SETDB1: variants seen among roughly 807,000 people sequenced by gnomAD.
SETDB1 encodes SET domain bifurcated histone lysine methyltransferase 1, also known as histone-lysine N-methyltransferase SETDB1.
Under a neutral mutation model 137.4 loss-of-function variants are expected in SETDB1, and 31 were observed. That is an observed-to-expected ratio of 0.23 (90% CI 0.17 to 0.30). The LOEUF (loss-of-function observed/expected upper bound fraction) is 0.30, where lower values mean the gene tolerates loss of function less well. SETDB1 is among the 10% of genes least tolerant of loss of function. The pLI is 1.00. For missense variants in SETDB1, 1,113 were observed against 1,631.5 expected (o/e 0.68, Z 5.47); for synonymous variants, 548 against 579.9 (o/e 0.95, Z 0.79).
chr1:150,949,163 G>T lies in SETDB1; in HGVS notation c.1309G>T (p.Asp437Tyr), dbSNP rs1396342956. 18 of 1,614,052 alleles carry T rather than the reference G, an allele frequency of 1.1e-5. No homozygotes were observed. Among genetic ancestry groups the T allele is most frequent in the Non-Finnish European group, 1.5e-5 (18 of 1,180,010 alleles). ...AGGCCCTGTTGTCCAGTACACACAG[G>T]ATCTGACCGGTACTGGAACCCAGTT... is the stretch of plus-strand genomic sequence containing the variant. ...SKGPVVQYTQ[D>Y]LTGTGTQFKP... The change falls in exon 11 of 22, where the codon GAT becomes TAT. Residue 437 changes from aspartate (D) to tyrosine (Y), a missense_variant. Around this residue, in one of 11 missense-constraint regions of SETDB1, gnomAD observed 192 missense variants for 198.1 expected, o/e 0.97. Transcript: ENST00000692827.
intron 14 of SETDB1, among the ~76,000 whole-genome samples, chr1:150,951,978 T>A (rs1208268238): frequency 6.6e-6 from 1 of 151,738 alleles, no homozygotes; most frequent in Non-Finnish European, 1.5e-5. Flanking sequence ...TGAAACCCTG[T>A]CTCTACTAAA....
At chr1:150,945,504 T>G (rs1670295836) in intron 9 of SETDB1, among the ~76,000 whole-genome samples, 1 of 152,200 alleles carries the variant, frequency 6.6e-6, no homozygotes, top group African/African-American at 2.4e-5. Context: ...AGGTATTTTG[T>G]ACTCATCCTT....
intron 21 of SETDB1, 22 bp from the exon 22 acceptor site, chr1:150,964,225 C>T: frequency 6.2e-7 from 1 of 1,601,302 alleles, no homozygotes; most frequent in Non-Finnish European, 8.6e-7. Context: ...TTGCCACACA[C>T]CATCCTTTTC....
intron 3 of SETDB1, among the ~76,000 whole-genome samples, chr1:150,937,493 T>G (rs772001440): frequency 2.4e-4 from 37 of 152,130 alleles, no homozygotes; most frequent in Non-Finnish European, 4.9e-4. Flanking sequence ...TGGGTTTTGC[T>G]TACGGTCCTG....
At chr1:150,954,913 A>G (rs1266012485) in intron 14 of SETDB1, among the ~76,000 whole-genome samples, 2 of 152,214 alleles carry the variant, frequency 1.3e-5, no homozygotes. Context: ...GTGACAGTGC[A>G]GTGAAAGAGG....
chr1:150,944,722 C>T (rs1313961715), intron 8 of SETDB1, among the ~76,000 whole-genome samples, 196 bp from the exon 9 acceptor site: 1 of 152,114 alleles, frequency 6.6e-6, no homozygotes, highest in Non-Finnish European at 1.5e-5. Context: ...TTAGTATTTA[C>T]TTGATTTGTA....
At position 150,950,570 on chromosome 1, in the gene SETDB1, C is replaced by T. The variant is rs1670466875; in HGVS notation, c.1696C>T (p.Arg566Cys). The change falls in exon 13 of 22, where the codon CGT becomes TGT. Residue 566 changes from arginine (R) to cysteine (C), a missense_variant. Coordinates refer to ENST00000692827, the MANE Select transcript of SETDB1 (RefSeq NM_001366418.1). ...GCGGGCCCCAGCAGAGCCCTCCTACCGTGCTCCCATGGAGAAGCTTTTCTA... is the reference window on the plus strand; with the variant it reads ...GCGGGCCCCAGCAGAGCCCTCCTACTGTGCTCCCATGGAGAAGCTTTTCTA... ...LERAPAEPSY[R>C]APMEKLFYLP... The T allele has an allele frequency of 8.1e-6, 13 of 1,614,064 alleles. No homozygotes were observed. Among genetic ancestry groups the T allele is most frequent in the South Asian group, 3.3e-5 (3 of 91,084 alleles).
intron 3 of SETDB1, among the ~76,000 whole-genome samples, chr1:150,933,257 A>T (rs1220536483): frequency 6.6e-6 from 1 of 151,462 alleles, no homozygotes; most frequent in Non-Finnish European, 1.5e-5. Context: ...ATAAGGTCTC[A>T]CTATGTTGCC....
intron 3 of SETDB1, among the ~76,000 whole-genome samples, chr1:150,934,682 G>C (rs183940913): frequency 6.6e-6 from 1 of 152,270 alleles, no homozygotes; most frequent in Non-Finnish European, 1.5e-5. Context: ...TATCACTTCT[G>C]TTGCTCTTCA....
chr1:150,943,866 T>A, intron 7 of SETDB1, 54 bp from the exon 8 acceptor site: 1 of 1,069,554 alleles, frequency 9.3e-7, no homozygotes, highest in Middle Eastern at 2.0e-4. Flanking sequence ...TTTCTGTGGA[T>A]CATGTTAAAT....
rs1669766087 is a variant in SETDB1, at chr1:150,931,754, C to CCTTTTCTT, written c.412+1640_412+1647dup. Among the ~76,000 whole-genome samples, 3 of 128,064 alleles carry CCTTTTCTT rather than the reference C, an allele frequency of 2.3e-5. No individual in the cohort carries two copies. The Admixed American group carries it at 2.5e-4, about 11-fold the overall frequency. 84.0% of individuals were successfully genotyped at this position (128,064 alleles called of 152,430 possible). On this transcript the variant is annotated intron_variant, in intron 3 of 21. Transcript: ENST00000692827. ...AAAAAAAAAAAAAAAAAACAGACAT[C>CCTTTTCTT]CTTTTCTTCTTCCTGATGTTGATAT...
At chr1:150,929,302 G>A (rs936706700) in intron 2 of SETDB1, among the ~76,000 whole-genome samples, 3 of 152,080 alleles carry the variant, frequency 2.0e-5, no homozygotes, top group Admixed American at 6.6e-5. Context: ...GGTGTGAGAC[G>A]GTATCTCATG....
At chr1:150,932,792 C>T (rs1420356026) in intron 3 of SETDB1, among the ~76,000 whole-genome samples, 1 of 152,110 alleles carries the variant, frequency 6.6e-6, no homozygotes, top group African/African-American at 2.4e-5. Flanking sequence ...AATATAAGCT[C>T]TAAAGCTATT....
chr1:150,950,321 ATCTT>A (rs1276021447), intron 12 of SETDB1, 133 bp from the exon 13 acceptor site: 1 of 746,494 alleles, frequency 1.3e-6, no homozygotes, highest in African/African-American at 1.8e-5. Flanking sequence ...GCAAGGGAAG[ATCTT>A]TCTTGAATCA....
At chr1:150,962,034 G>A in intron 16 of SETDB1, 96 bp from the exon 17 acceptor site, 2 of 1,431,574 alleles carry the variant, frequency 1.4e-6, no homozygotes, top group South Asian at 1.1e-5. Context: ...ACCTGTCACT[G>A]GCTGATGTTA....
chr1:150,926,665 C>T, intron 1 of SETDB1, 148 bp downstream of exon 1: 1 of 504,594 alleles, frequency 2.0e-6, no homozygotes, highest in South Asian at 1.4e-5. Flanking sequence ...ATGGGTAGGA[C>T]GCACCCCTAG....
intron 20 of SETDB1, 22 bp downstream of exon 20, chr1:150,963,763 C>T: frequency 6.2e-7 from 1 of 1,607,542 alleles, no homozygotes; most frequent in Non-Finnish European, 8.5e-7. Context: ...CTCCCCACCT[C>T]TAGATGCTGG....
rs1165832308 is a variant in SETDB1 at position 150,962,990 on chromosome 1, C to T, written c.3311C>T (p.Ser1104Phe). Residue 1104 changes from serine (S) to phenylalanine (F), a missense_variant, in exon 19 of 22, where the codon TCC (serine) becomes TTC (phenylalanine). Physicochemically the swap from Ser to Phe is radical, Grantham distance 155. Coordinates refer to ENST00000692827, the MANE Select transcript of SETDB1 (RefSeq NM_001366418.1). The part of the protein sequence containing the change: ...QSNPDDVLTL[S>F]SSTESEGESG... The stretch of plus-strand genomic sequence containing the variant: ...CTTCCCCAGGATGTCCTGACACTGT[C>T]CAGCAGCACAGAAAGTGAGGGGGAA... The T allele has an allele frequency of 1.2e-6, 2 of 1,613,874 alleles. No homozygotes were observed. The highest frequency in any genetic ancestry group is 2.7e-5 in the African/African-American group (2 of 74,906).
At chr1:150,963,769 G>C (rs1282019413) in intron 20 of SETDB1, 28 bp downstream of exon 20, 2 of 1,602,046 alleles carry the variant, frequency 1.2e-6, no homozygotes, top group Non-Finnish European at 1.7e-6. Flanking sequence ...ACCTCTAGAT[G>C]CTGGATTATC....
Sources: gnomAD v4.1 joint callset for allele counts (sites outside exome capture counted in the v4.1 genomes callset) on GRCh38, gnomAD v4.1.1 for gene constraint, gnomAD v4.1.1 regional missense constraint, MANE v1.5 for transcripts, NCBI Gene and HGNC (gene_info 2026-07-23, HGNC 2026-07-21) for gene names.